Variants in CWC27 observed in about 807,000 individuals in gnomAD.
CWC27 encodes CWC27 spliceosome associated cyclophilin, also known as spliceosome-associated protein CWC27 homolog.
A neutral mutation model predicts 63.6 loss-of-function variants in CWC27; 47 were observed. The ratio of observed to expected loss-of-function variants is 0.74; its 90% CI spans 0.58 to 0.94. The LOEUF (loss-of-function observed/expected upper bound fraction) is 0.94. CWC27 is among the 40% of genes least tolerant of loss of function. CWC27 has a pLI of 0.00. For synonymous variants in CWC27, 175 were observed against 179.8 expected, an observed-to-expected ratio of 0.97 and a Z score of 0.22; for missense variants, 495 against 554.3, an observed-to-expected ratio of 0.89 and a Z score of 1.07.
intron 10 of CWC27, among the ~76,000 whole-genome samples, chr5:64,853,029 T>A (rs1011962838): frequency 2.0e-5 from 3 of 152,122 alleles, no homozygotes; most frequent in African/African-American, 7.2e-5. Context: ...CCTAACTCCT[T>A]ACATTGAAAA....
chr5:64,862,740 T>G, intron 10 of CWC27, among the ~76,000 whole-genome samples: 1 of 152,180 alleles, frequency 6.6e-6, no homozygotes, highest in Non-Finnish European at 1.5e-5. Context: ...TCAAGCTACT[T>G]TAACAAAATA....
At chr5:64,929,447 G>T (rs1748191402) in intron 11 of CWC27, among the ~76,000 whole-genome samples, 1 of 152,132 alleles carries the variant, frequency 6.6e-6, no homozygotes, top group African/African-American at 2.4e-5. Flanking sequence ...TCTTGAAAGG[G>T]CCTCTCCTCC....
chr5:64,894,569 T>C (rs1431916488), intron 11 of CWC27, among the ~76,000 whole-genome samples: 2 of 152,196 alleles, frequency 1.3e-5, no homozygotes, highest in African/African-American at 2.4e-5. Flanking sequence ...AAGATTATTA[T>C]GTAATGGAAC....
intron 11 of CWC27, among the ~76,000 whole-genome samples, chr5:64,902,746 C>T (rs893487932): frequency 9.9e-5 from 15 of 151,612 alleles, no homozygotes; most frequent in African/African-American, 1.5e-4. Context: ...TCAATTTCTA[C>T]GAAAAAAAAG....
At chr5:64,931,444 A>G (rs112720600) in intron 11 of CWC27, among the ~76,000 whole-genome samples, 1,648 of 151,814 alleles carry the variant, frequency 0.011, 25 homozygotes, top group African/African-American at 0.038. Context: ...AGTTTTTAAA[A>G]CTTATTTAAA....
intron 10 of CWC27, among the ~76,000 whole-genome samples, chr5:64,809,514 C>T (rs1475177928): frequency 7.9e-5 from 12 of 152,078 alleles, no homozygotes; most frequent in Admixed American, 6.6e-5. Context: ...ACTACAGGAG[C>T]GTGCCACCAC....
At chr5:64,889,413 G>A (rs1338930622) in intron 11 of CWC27, among the ~76,000 whole-genome samples, 2 of 152,002 alleles carry the variant, frequency 1.3e-5, no homozygotes, top group African/African-American at 4.8e-5. Context: ...ATAAAACAAC[G>A]AAAAGTAAAT....
At chr5:64,874,154 C>CTTTTTTT (rs748768571) in intron 10 of CWC27, among the ~76,000 whole-genome samples, 2 of 48,776 alleles carry the variant, frequency 4.1e-5, no homozygotes, top group African/African-American at 8.6e-5. Flanking sequence ...ATTGTTGATG[C>CTTTTTTT]TTTTTTTTTT....
chr5:64,981,161 A>G (rs1749326112), intron 13 of CWC27, among the ~76,000 whole-genome samples: 1 of 152,132 alleles, frequency 6.6e-6, no homozygotes, highest in African/African-American at 2.4e-5. Context: ...GGTAAATGAG[A>G]ATTACCTATG....
At chr5:64,811,676 GA>G (rs1254704074) in intron 10 of CWC27, among the ~76,000 whole-genome samples, 1 of 151,862 alleles carries the variant, frequency 6.6e-6, no homozygotes, top group East Asian at 1.9e-4. Flanking sequence ...CCATTTTTAA[GA>G]AAAAATGATC....
chr5:64,982,871 G>A (rs1749353910), intron 13 of CWC27, among the ~76,000 whole-genome samples: 2 of 152,172 alleles, frequency 1.3e-5, no homozygotes, highest in South Asian at 4.1e-4. Context: ...GCAGTAAGCA[G>A]CAGGCAAGCG....
intron 2 of CWC27, among the ~76,000 whole-genome samples, chr5:64,775,679 C>G (rs78593837): frequency 0.014 from 2,150 of 152,166 alleles, 56 homozygotes; most frequent in African/African-American, 0.05. Flanking sequence ...AGATTTGAGT[C>G]ATAAAGTAAC....
chr5:64,911,287 T>C (rs151073289), intron 11 of CWC27, among the ~76,000 whole-genome samples: 1 of 152,276 alleles, frequency 6.6e-6, no homozygotes, highest in Non-Finnish European at 1.5e-5. Context: ...CTCTAACCTG[T>C]AGTCACAGAG....
chr5:64,896,739 A>G (rs1161189753), intron 11 of CWC27, among the ~76,000 whole-genome samples: 1 of 152,052 alleles, frequency 6.6e-6, no homozygotes, highest in African/African-American at 2.4e-5. Flanking sequence ...GACTGGCAGG[A>G]TATTTTTTAA....
At chr5:64,844,811 A>C (rs1580667559) in intron 10 of CWC27, 1 of 438,132 alleles carries the variant, frequency 2.3e-6, no homozygotes, top group South Asian at 1.6e-5. Context: ...AGGCAGTCAA[A>C]CAGCCACTCA....
chr5:64,899,739 A>G (rs1580713158), intron 11 of CWC27, among the ~76,000 whole-genome samples: 1 of 152,348 alleles, frequency 6.6e-6, no homozygotes, highest in Non-Finnish European at 1.5e-5. Flanking sequence ...GTTTTGACGT[A>G]TGTCTATACC....
At chr5:64,962,786 A>G (rs2112435041) in intron 11 of CWC27, among the ~76,000 whole-genome samples, 1 of 152,280 alleles carries the variant, frequency 6.6e-6, no homozygotes, top group Middle Eastern at 3.4e-3. Flanking sequence ...CTTGGTGCCT[A>G]GGATTCCTAT....
intron 11 of CWC27, 152 bp downstream of exon 11, chr5:64,885,698 G>GTGTGTGTGTGTGTGTGTGTGT: frequency 1.5e-5 from 4 of 259,616 alleles, no homozygotes; most frequent in East Asian, 1.0e-4. Context: ...CTTGAGTTAG[G>GTGTGTGTGTGTGTGTGTGTGT]GTGTGTGTGT....
chr5:64,861,732 A>G (rs745392824), intron 10 of CWC27, among the ~76,000 whole-genome samples: 8 of 152,162 alleles, frequency 5.3e-5, no homozygotes, highest in Non-Finnish European at 1.0e-4. Flanking sequence ...AGGTCCTTCT[A>G]TGTGCTTCCA....
Sources: allele counts gnomAD v4.1 joint callset (sites outside exome capture counted in the v4.1 genomes callset), GRCh38; gene constraint gnomAD v4.1.1; transcripts MANE v1.5; gene names NCBI Gene and HGNC (gene_info 2026-07-23, HGNC 2026-07-21).